SGIP1: variants seen among roughly 807,000 people sequenced by gnomAD.
SGIP1 encodes SH3-containing GRB2-like protein 3-interacting protein 1.
In SGIP1, 38 loss-of-function variants were observed where a neutral mutation model predicts 107.5. The ratio of observed to expected loss-of-function variants is 0.35; its 90% CI spans 0.27 to 0.46. The LOEUF is 0.46. Ranked by LOEUF, SGIP1 falls within the 20% of genes least tolerant of loss-of-function variation. The pLI is 1.00. For missense variants in SGIP1, 929 were observed against 1,019.5 expected (o/e 0.91, Z 1.21); for synonymous variants, 365 against 366.1 (o/e 1.00, Z 0.03).
At chr1:66,645,511 G>T (rs1204785918) in intron 7 of SGIP1, among the ~76,000 whole-genome samples, 1 of 152,184 alleles carries the variant, frequency 6.6e-6, no homozygotes, top group African/African-American at 2.4e-5. Context: ...CACCCAGAGA[G>T]AGTGACCTCG....
intron 21 of SGIP1, 62 bp from the exon 22 acceptor site, chr1:66,739,273 T>C (rs2094369819): frequency 6.5e-7 from 1 of 1,549,592 alleles, no homozygotes; most frequent in Non-Finnish European, 8.8e-7. Context: ...TATGACATTT[T>C]GTTTGATGTC....
chr1:66,587,142 A>G (rs2062755487), intron 1 of SGIP1, among the ~76,000 whole-genome samples: 2 of 152,154 alleles, frequency 1.3e-5, no homozygotes, highest in African/African-American at 4.8e-5. Context: ...TTTAATTTTC[A>G]GAATTTCAAT....
chr1:66,627,692 TAA>T (rs935080132), intron 2 of SGIP1, among the ~76,000 whole-genome samples: 1 of 152,184 alleles, frequency 6.6e-6, no homozygotes, highest in Admixed American at 6.6e-5. Flanking sequence ...TCTAAATAAT[TAA>T]GTTAGCAATA....
At chr1:66,664,823 A>G (rs1201817181) in intron 8 of SGIP1, among the ~76,000 whole-genome samples, 1 of 152,328 alleles carries the variant, frequency 6.6e-6, no homozygotes, top group East Asian at 1.9e-4. Flanking sequence ...CCCTACTCAC[A>G]TGCTAGTCAC....
intron 16 of SGIP1, among the ~76,000 whole-genome samples, chr1:66,689,489 G>C (rs1030612664): frequency 6.6e-6 from 1 of 152,164 alleles, no homozygotes; most frequent in South Asian, 2.1e-4. Context: ...GGAATGGTAC[G>C]CTTGGACCCT....
At chr1:66,612,142 T>G (rs2068156305) in intron 1 of SGIP1, among the ~76,000 whole-genome samples, 1 of 152,126 alleles carries the variant, frequency 6.6e-6, no homozygotes, top group Non-Finnish European at 1.5e-5. Context: ...AGCCAGTGTG[T>G]GCAGAGGTCA....
intron 1 of SGIP1, among the ~76,000 whole-genome samples, chr1:66,545,628 T>TTGTGTGTGTGTG (rs769603266): frequency 0.044 from 6,097 of 138,912 alleles, 227 homozygotes; most frequent in East Asian, 0.14. Context: ...ACTGAACAAA[T>TTGTGTGTGTGTG]TGTGTGTGTG....
intron 19 of SGIP1, 79 bp downstream of exon 19, chr1:66,719,484 AT>A (rs974285849): frequency 4.4e-6 from 5 of 1,129,488 alleles, no homozygotes; most frequent in Non-Finnish European, 6.1e-6. Flanking sequence ...CAACCTTTTC[AT>A]TTTTTCTTTT....
rs2094579401 is a variant in SGIP1, at chr1:66,748,261, AT to A, written c.*5168del. Reference sequence around the variant, plus strand: ...TGGAAGGAAAATGAGATAGGAGTACATTGCTTAAGTCTCTAAATATTAAAAA... The same window carrying A: ...TGGAAGGAAAATGAGATAGGAGTACATGCTTAAGTCTCTAAATATTAAAAA... On this transcript the variant is annotated 3_prime_UTR_variant, in exon 25 of 25. Transcript: ENST00000371037. The A allele has an allele frequency of 6.6e-6, 1 of 151,994 alleles. No individual in the cohort carries two copies. The highest frequency in any genetic ancestry group is 1.5e-5 in the Non-Finnish European group (1 of 67,866). The allele number at this position is 151,994 out of a possible 1,614,324, so 9.4% of individuals were successfully genotyped here.
intron 1 of SGIP1, among the ~76,000 whole-genome samples, chr1:66,567,926 G>A (rs571487699): frequency 3.2e-4 from 48 of 152,254 alleles, no homozygotes; most frequent in African/African-American, 1.0e-3. Context: ...ATAGTTTGAA[G>A]TCAGGTAGCA....
At chr1:66,544,856 A>G (rs1327782304) in intron 1 of SGIP1, among the ~76,000 whole-genome samples, 2 of 152,192 alleles carry the variant, frequency 1.3e-5, no homozygotes, top group African/African-American at 2.4e-5. Flanking sequence ...GATTGTAGGT[A>G]GAACCTTACT....
At chr1:66,674,023 C>T (rs2084564686) in intron 12 of SGIP1, among the ~76,000 whole-genome samples, 1 of 151,924 alleles carries the variant, frequency 6.6e-6, no homozygotes, top group Non-Finnish European at 1.5e-5. Flanking sequence ...TTAAAATTAG[C>T]CGGGCATGGT....
chr1:66,740,799 A>G lies in SGIP1; in HGVS notation c.2299+77A>G, dbSNP rs1572478304. The G allele has an allele frequency of 9.1e-6, 8 of 874,660 alleles. No individual in the cohort carries two copies. The East Asian group carries it at 2.0e-4, about 22-fold the overall frequency. The allele number at this position is 874,660 out of a possible 1,614,324, so 54.2% of individuals were successfully genotyped here. A position where few individuals can be genotyped will look rare whatever the true frequency, so the allele number is the denominator to read the frequency against. On this transcript the variant is annotated intron_variant, in intron 23 of 24. Transcript: ENST00000371037. ...TAGGTATTTGCCAACTATTACCCAAAACATGTAGCAATAAAAACAAGCAGA... is the reference window on the plus strand; with the variant it reads ...TAGGTATTTGCCAACTATTACCCAAGACATGTAGCAATAAAAACAAGCAGA...
rs951548030 is a variant in SGIP1, at chr1:66,749,439, AG to A, written c.*6347del. Among the ~76,000 whole-genome samples, 2 of 133,414 alleles carry A rather than the reference AG, an allele frequency of 1.5e-5. No individual in the cohort carries two copies. The allele number at this position is 133,414 out of a possible 152,430, so 87.5% of individuals were successfully genotyped here. A position where few individuals can be genotyped will look rare whatever the true frequency, so the allele number is the denominator to read the frequency against. Reference sequence around the variant, plus strand: ...TATACTCTTTTAATGAGCATTTCATAGGGTTTTTTTTTTGCTGTTTTTTTTT... The same window carrying A: ...TATACTCTTTTAATGAGCATTTCATAGGTTTTTTTTTTGCTGTTTTTTTTT... On this transcript the variant is annotated 3_prime_UTR_variant, in exon 25 of 25. Coordinates refer to ENST00000371037, the MANE Select transcript of SGIP1 (RefSeq NM_032291.4).
At chr1:66,589,204 A>ATGTGTGTGTGTGTGTGTGTG (rs1207408964) in intron 1 of SGIP1, among the ~76,000 whole-genome samples, 1 of 57,472 alleles carries the variant, frequency 1.7e-5, no homozygotes, top group African/African-American at 6.0e-5. Context: ...ATATATATAT[A>ATGTGTGTGTGTGTGTGTGTG]TATATATATA....
chr1:66,670,002 G>A (rs2083411026), intron 9 of SGIP1, among the ~76,000 whole-genome samples: 1 of 152,100 alleles, frequency 6.6e-6, no homozygotes, highest in African/African-American at 2.4e-5. Context: ...TAAAAAGTAG[G>A]AAAAAATGTG....
intron 15 of SGIP1, among the ~76,000 whole-genome samples, chr1:66,685,650 T>C (rs1165821695): frequency 1.3e-5 from 2 of 152,242 alleles, no homozygotes; most frequent in South Asian, 2.1e-4. Context: ...TAACTGAATA[T>C]ATTTCCTAAC....
At chr1:66,641,625 G>C (rs1261380419) in intron 5 of SGIP1, among the ~76,000 whole-genome samples, 2 of 152,152 alleles carry the variant, frequency 1.3e-5, no homozygotes, top group African/African-American at 4.8e-5. Context: ...CTTGATAAAT[G>C]GGATAATTCT....
At chr1:66,555,525 A>C (rs1320311822) in intron 1 of SGIP1, among the ~76,000 whole-genome samples, 1 of 152,152 alleles carries the variant, frequency 6.6e-6, no homozygotes, top group East Asian at 1.9e-4. Context: ...GCTCATAATA[A>C]AAGCTTAGTA....
Sources: allele counts gnomAD v4.1 joint callset (sites outside exome capture counted in the v4.1 genomes callset), GRCh38; gene constraint gnomAD v4.1.1; transcripts MANE v1.5; gene names NCBI Gene and HGNC (gene_info 2026-07-23, HGNC 2026-07-21).